Variants in PTPRT observed in about 807,000 individuals in gnomAD.
PTPRT encodes protein tyrosine phosphatase receptor type T, also known as receptor-type tyrosine-protein phosphatase T.
Under a neutral mutation model 176.8 loss-of-function variants are expected in PTPRT, and 56 were observed. That is an observed-to-expected ratio of 0.32 (90% CI 0.26 to 0.40). PTPRT has a LOEUF of 0.40. Ranked by LOEUF, PTPRT falls within the 10% of genes least tolerant of loss-of-function variation. The pLI, the probability that PTPRT is intolerant of heterozygous loss-of-function variation, is 1.00. For missense variants in PTPRT, 1,540 were observed against 1,908.2 expected (o/e 0.81, Z 3.60); for synonymous variants, 783 against 739.0 (o/e 1.06, Z -0.96).
chr20:42,629,267 T>G (rs1244090854), intron 7 of PTPRT, among the ~76,000 whole-genome samples: 1 of 152,130 alleles, frequency 6.6e-6, no homozygotes, highest in Non-Finnish European at 1.5e-5. Context: ...AAAGTAGTTC[T>G]GTCTTCTCCA....
intron 1 of PTPRT, among the ~76,000 whole-genome samples, chr20:42,895,566 T>G (rs1200478100): frequency 1.3e-5 from 2 of 152,160 alleles, no homozygotes; most frequent in Non-Finnish European, 2.9e-5. Flanking sequence ...TTGGGGGCTG[T>G]CTTAGAATCC....
rs116452816 is a variant in PTPRT, at chr20:42,146,748, C to T, written c.2683-4746G>A. On this transcript the variant is annotated intron_variant, in intron 17 of 30. Coordinates refer to ENST00000373187, the MANE Select transcript of PTPRT (RefSeq NM_007050.6). ...AAATGTGAATAGGACCCAGTGATTC[C>T]TCTTGCCATTGCCTTCAGGATAAAT... is the stretch of plus-strand genomic sequence containing the variant. Among the ~76,000 whole-genome samples, 1,029 of 152,302 alleles carry T rather than the reference C, an allele frequency of 6.8e-3. 9 individuals are homozygous for T. The highest frequency in any genetic ancestry group is 0.024 in the African/African-American group (986 of 41,562).
intron 6 of PTPRT, among the ~76,000 whole-genome samples, chr20:42,698,054 C>T (rs1271831832): frequency 6.6e-6 from 1 of 152,176 alleles, no homozygotes; most frequent in Non-Finnish European, 1.5e-5. Context: ...TCACAGCTTG[C>T]AGGCATTTAT....
intron 8 of PTPRT, among the ~76,000 whole-genome samples, chr20:42,467,757 G>A (rs945307874): frequency 7.2e-5 from 11 of 152,296 alleles, no homozygotes; most frequent in African/African-American, 2.6e-4. Context: ...AGTAAATGCA[G>A]CAAAGTGTTT....
intron 2 of PTPRT, among the ~76,000 whole-genome samples, chr20:42,805,748 A>G (rs1050713478): frequency 6.6e-6 from 1 of 152,182 alleles, no homozygotes; most frequent in African/African-American, 2.4e-5. Flanking sequence ...GGAAGGATCT[A>G]TGAATGGTGT....
chr20:43,006,956 A>G (rs1313750564), intron 1 of PTPRT, among the ~76,000 whole-genome samples: 1 of 152,212 alleles, frequency 6.6e-6, no homozygotes, highest in Non-Finnish European at 1.5e-5. Flanking sequence ...AGAGGTCACA[A>G]AAACAGTATC....
intron 7 of PTPRT, among the ~76,000 whole-genome samples, chr20:42,605,615 T>A (rs1468135362): frequency 6.6e-6 from 1 of 152,090 alleles, no homozygotes; most frequent in Non-Finnish European, 1.5e-5. Context: ...CCTGGTGAAG[T>A]TTGCAAATGA....
intron 2 of PTPRT, among the ~76,000 whole-genome samples, chr20:42,830,542 AG>A (rs1307017381): frequency 6.6e-6 from 1 of 152,230 alleles, no homozygotes; most frequent in Non-Finnish European, 1.5e-5. Flanking sequence ...AGTACACAAC[AG>A]GGATGCTCTC....
At chr20:42,542,398 A>T (rs200006103) in intron 7 of PTPRT, among the ~76,000 whole-genome samples, 1 of 106,404 alleles carries the variant, frequency 9.4e-6, no homozygotes, top group African/African-American at 3.0e-5. Context: ...TTCCAGGGGG[A>T]AAAAAAATAC....
chr20:43,172,085 T>G (rs1040381050), intron 1 of PTPRT, among the ~76,000 whole-genome samples: 2 of 152,120 alleles, frequency 1.3e-5, no homozygotes, highest in African/African-American at 2.4e-5. Flanking sequence ...TTCCCACTAG[T>G]CCTAGTCTCC....
intron 11 of PTPRT, among the ~76,000 whole-genome samples, chr20:42,330,841 G>A (rs1006265852): frequency 2.0e-5 from 3 of 152,222 alleles, no homozygotes; most frequent in Admixed American, 6.5e-5. Flanking sequence ...TGTAGTCACA[G>A]ACCAGTAGCA....
intron 2 of PTPRT, among the ~76,000 whole-genome samples, chr20:42,851,441 T>C (rs1322204424): frequency 6.6e-6 from 1 of 152,192 alleles, no homozygotes; most frequent in Non-Finnish European, 1.5e-5. Context: ...CCCTTTCCAA[T>C]CCAATTCTTG....
intron 11 of PTPRT, among the ~76,000 whole-genome samples, chr20:42,344,192 G>A (rs775529209): frequency 1.4e-4 from 21 of 152,174 alleles, no homozygotes; most frequent in Non-Finnish European, 2.8e-4. Flanking sequence ...GAGGCATCAG[G>A]CCCAGCCCCC....
At chr20:42,629,560 T>C (rs924006336) in intron 7 of PTPRT, among the ~76,000 whole-genome samples, 2 of 152,212 alleles carry the variant, frequency 1.3e-5, no homozygotes, top group African/African-American at 4.8e-5. Flanking sequence ...TTTCTAATGT[T>C]GCCTGGTTGG....
At chr20:43,000,241 A>G (rs1412406387) in intron 1 of PTPRT, among the ~76,000 whole-genome samples, 2 of 152,220 alleles carry the variant, frequency 1.3e-5, no homozygotes, top group African/African-American at 4.8e-5. Context: ...GCTCTATAGG[A>G]GATTCGATGG....
chr20:42,506,829 G>T (rs1445056790), intron 7 of PTPRT, among the ~76,000 whole-genome samples: 1 of 152,070 alleles, frequency 6.6e-6, no homozygotes, highest in East Asian at 1.9e-4. Context: ...TTCCCTGCTG[G>T]GATCCTCAGT....
At chr20:42,824,659 A>G (rs2077961919) in intron 2 of PTPRT, among the ~76,000 whole-genome samples, 1 of 152,076 alleles carries the variant, frequency 6.6e-6, no homozygotes, top group Non-Finnish European at 1.5e-5. Flanking sequence ...AGAGTTGAAC[A>G]TGAAGAAGAA....
At chr20:42,512,091 T>C (rs1018792947) in intron 7 of PTPRT, among the ~76,000 whole-genome samples, 1 of 152,176 alleles carries the variant, frequency 6.6e-6, no homozygotes, top group Non-Finnish European at 1.5e-5. Flanking sequence ...AAGATATTCT[T>C]TACTTAAACA....
At chr20:42,177,519 C>T (rs1990342624) in intron 16 of PTPRT, among the ~76,000 whole-genome samples, 1 of 152,214 alleles carries the variant, frequency 6.6e-6, no homozygotes, top group African/African-American at 2.4e-5. Flanking sequence ...CATCAAGGTT[C>T]AGCCTGGCTG....
Sources: gnomAD v4.1 joint callset for allele counts (sites outside exome capture counted in the v4.1 genomes callset) on GRCh38, gnomAD v4.1.1 for gene constraint, MANE v1.5 for transcripts, NCBI Gene and HGNC (gene_info 2026-07-23, HGNC 2026-07-21) for gene names.